Variants in SSBP3 observed in about 807,000 individuals in gnomAD.
The protein encoded by SSBP3 is single-stranded DNA-binding protein 3.
In SSBP3, 5 loss-of-function variants were observed where a neutral mutation model predicts 69.6. The observed-to-expected ratio is 0.07, with a 90% confidence interval of 0.04 to 0.15. SSBP3 has a LOEUF of 0.15. Among genes scored for constraint, SSBP3 ranks in the 10% least tolerant of loss-of-function variants. The pLI is 1.00. For synonymous variants in SSBP3, 196 were observed against 193.4 expected (o/e 1.01, Z -0.11); for missense variants, 312 against 534.0 (o/e 0.58, Z 4.10).
chr1:54,227,127 G>C, exon 18 of SSBP3: 1 of 1,553,232 alleles, frequency 6.4e-7, no homozygotes, highest in African/African-American at 1.4e-5. Flanking sequence ...CGGAGAAGGG[G>C]GGATCACACA....
chr1:54,400,970 G>A (rs1384072980), intron 4 of SSBP3, among the ~76,000 whole-genome samples: 1 of 152,184 alleles, frequency 6.6e-6, no homozygotes, highest in Non-Finnish European at 1.5e-5. Flanking sequence ...AAGACCATTA[G>A]ATCACCTGCT....
rs1376270446 is a variant in SSBP3, at chr1:54,384,632, TG to T, written c.276+17228del. 2.0e-5 allele frequency among the ~76,000 whole-genome samples: 3 copies of T among 152,342 alleles called. No individual in the cohort carries two copies. The South Asian group carries it at 6.2e-4, about 32-fold the overall frequency. The stretch of plus-strand genomic sequence containing the variant: ...AAGAATGGCAGCAAGTGCTCCAAGC[TG>T]GGAGAACAGCCTGTGCAAAGGCCCC... On this transcript the variant is annotated intron_variant, in intron 4 of 17. Coordinates refer to ENST00000610401, the Ensembl canonical transcript of SSBP3.
At chr1:54,301,027 T>C (rs1008516465) in intron 4 of SSBP3, among the ~76,000 whole-genome samples, 1 of 152,196 alleles carries the variant, frequency 6.6e-6, no homozygotes, top group African/African-American at 2.4e-5. Flanking sequence ...TTCCCACATC[T>C]GACAGGTGGC....
intron 4 of SSBP3, chr1:54,326,512 C>T (rs1646307213): frequency 6.6e-6 from 1 of 152,226 alleles, no homozygotes; most frequent in South Asian, 2.1e-4. Flanking sequence ...TCTATTTAGC[C>T]ACCAGGCTGG....
chr1:54,290,777 T>C (rs908423851), intron 4 of SSBP3, among the ~76,000 whole-genome samples: 3 of 152,196 alleles, frequency 2.0e-5, no homozygotes, highest in African/African-American at 7.2e-5. Context: ...GTCCCAGGCA[T>C]GTGCATGCAA....
chr1:54,277,333 G>T (rs1002943885), intron 5 of SSBP3, among the ~76,000 whole-genome samples: 1 of 152,034 alleles, frequency 6.6e-6, no homozygotes, highest in African/African-American at 2.4e-5. Flanking sequence ...GGACTTCTTT[G>T]CTACTTCTTT....
chr1:54,405,101 T>TAG (rs768649031), intron 1 of SSBP3, among the ~76,000 whole-genome samples, 171 bp from the exon 2 acceptor site: 12 of 152,020 alleles, frequency 7.9e-5, no homozygotes, highest in Non-Finnish European at 1.3e-4. Flanking sequence ...TGCGAACAGT[T>TAG]AGGGGGTGGG....
chr1:54,230,547 C>T (rs1051441012), intron 14 of SSBP3, among the ~76,000 whole-genome samples: 1 of 152,154 alleles, frequency 6.6e-6, no homozygotes, highest in African/African-American at 2.4e-5. Flanking sequence ...GAGCATATAA[C>T]TGACCCATTT....
exon 18 of SSBP3, chr1:54,227,076 C>G: frequency 6.7e-7 from 1 of 1,490,756 alleles, no homozygotes; most frequent in Non-Finnish European, 9.3e-7. Flanking sequence ...TGCATAATTT[C>G]TGGCATCTTC....
At chr1:54,404,330 G>A (rs527443060) in intron 3 of SSBP3, among the ~76,000 whole-genome samples, 1 of 152,166 alleles carries the variant, frequency 6.6e-6, no homozygotes, top group Non-Finnish European at 1.5e-5. Flanking sequence ...AAATGTAAAA[G>A]TAAGGAGTTT....
intron 7 of SSBP3, 92 bp downstream of exon 7, chr1:54,257,035 A>G: frequency 7.4e-7 from 1 of 1,360,122 alleles, no homozygotes; most frequent in South Asian, 1.3e-5. Flanking sequence ...CCACCCCTCA[A>G]TCCTTTCCCT....
intron 15 of SSBP3, 22 bp from the exon 16 acceptor site, chr1:54,228,499 A>G (rs765625697): frequency 6.2e-7 from 1 of 1,614,050 alleles, no homozygotes; most frequent in East Asian, 2.2e-5. Flanking sequence ...AAATAATCCA[A>G]TTCAGTTTCT....
At chr1:54,333,534 GA>G (rs1423753798) in intron 4 of SSBP3, among the ~76,000 whole-genome samples, 1 of 152,134 alleles carries the variant, frequency 6.6e-6, no homozygotes, top group Admixed American at 6.5e-5. Context: ...AGCACTTTGG[GA>G]GGCTGAGGGA....
chr1:54,372,094 C>CA (rs1647145085), intron 4 of SSBP3, among the ~76,000 whole-genome samples: 1 of 152,202 alleles, frequency 6.6e-6, no homozygotes, highest in African/African-American at 2.4e-5. Flanking sequence ...GCAGGCTAGG[C>CA]ATGTGCCTGG....
intron 4 of SSBP3, among the ~76,000 whole-genome samples, chr1:54,283,669 C>T (rs1645436497): frequency 6.6e-6 from 1 of 152,230 alleles, no homozygotes; most frequent in South Asian, 2.1e-4. Context: ...CGTTACTTTT[C>T]AAAATGATTC....
At chr1:54,330,545 G>T (rs1214759133) in intron 4 of SSBP3, among the ~76,000 whole-genome samples, 2 of 152,158 alleles carry the variant, frequency 1.3e-5, no homozygotes, top group Admixed American at 1.3e-4. Context: ...CGACCGCTTT[G>T]TTCACAGGAG....
At chr1:54,270,573 C>T (rs1197810853) in intron 5 of SSBP3, among the ~76,000 whole-genome samples, 1 of 152,186 alleles carries the variant, frequency 6.6e-6, no homozygotes, top group African/African-American at 2.4e-5. Context: ...CTCTTCCACA[C>T]ATCAATGTCA....
At chr1:54,247,465 C>T (rs1644753623) in intron 9 of SSBP3, among the ~76,000 whole-genome samples, 2 of 152,140 alleles carry the variant, frequency 1.3e-5, no homozygotes, top group African/African-American at 2.4e-5. Flanking sequence ...CTCACCAGCT[C>T]GGGGTGCTCA....
intron 7 of SSBP3, among the ~76,000 whole-genome samples, chr1:54,253,541 A>G (rs1644869129): frequency 6.6e-6 from 1 of 152,154 alleles, no homozygotes. Context: ...GGGGGTGCTC[A>G]GCGTCTGTCT....
Sources: allele counts gnomAD v4.1 joint callset (sites outside exome capture counted in the v4.1 genomes callset), GRCh38; gene constraint gnomAD v4.1.1; transcripts MANE v1.5; gene names NCBI Gene and HGNC (gene_info 2026-07-23, HGNC 2026-07-21).